PROM2: variants seen among roughly 807,000 people sequenced by gnomAD.
PROM2 encodes prominin-2.
Under a neutral mutation model 110.2 loss-of-function variants are expected in PROM2, and 90 were observed. The observed-to-expected ratio is 0.82, with a 90% CI of 0.69 to 0.97. The LOEUF (loss-of-function observed/expected upper bound fraction) is 0.97. PROM2 is among the 50% of genes least tolerant of loss of function. The pLI is 0.00. For missense variants in PROM2, 1,009 were observed against 1,074.8 expected, an observed-to-expected ratio of 0.94 and a Z score of 0.86; for synonymous variants, 470 against 467.8, an observed-to-expected ratio of 1.00 and a Z score of -0.06.
Position 95,274,696 on chromosome 2 carries a change from G to A in PROM2, c.111G>A (p.Glu37=). The A allele has an allele frequency of 6.2e-7, 1 of 1,612,808 alleles. No homozygotes were observed. Among genetic ancestry groups the A allele is most frequent in the Non-Finnish European group, 8.5e-7 (1 of 1,179,918 alleles). The change falls in exon 1 of 24, where the codon GAG becomes GAA. Residue 37 remains glutamate (E), a synonymous_variant. Coordinates refer to ENST00000317620, the MANE Select transcript of PROM2 (RefSeq NM_001165978.3). ...ACTGCAAGTTCCTTGGCCCGGCAGA[G>A]CACCTGACATTCACCCCAGCAGCCA... The part of the protein sequence containing the change: ...ATDCKFLGPA[E]HLTFTPAARA...
At chr2:95,284,134 C>T (rs1322537869) in intron 14 of PROM2, among the ~76,000 whole-genome samples, 2 of 152,134 alleles carry the variant, frequency 1.3e-5, no homozygotes, top group African/African-American at 4.8e-5. Flanking sequence ...CTGTCTGGGG[C>T]TTGGGGTGTC....
intron 14 of PROM2, among the ~76,000 whole-genome samples, chr2:95,283,771 TTTCA>T (rs3076102): frequency 0.032 from 4,795 of 149,778 alleles, 75 homozygotes; most frequent in African/African-American, 0.041. Flanking sequence ...GAAAATACAG[TTTCA>T]TTCATTCATT....
intron 18 of PROM2, 48 bp from the exon 19 acceptor site, chr2:95,287,085 T>A (rs1231346111): frequency 6.5e-7 from 1 of 1,528,922 alleles, no homozygotes; most frequent in Non-Finnish European, 9.1e-7. Context: ...AATTAATGAA[T>A]GGATGCGTGA....
chr2:95,286,718 C>T, intron 17 of PROM2, 86 bp from the exon 18 acceptor site: 1 of 789,128 alleles, frequency 1.3e-6, no homozygotes, highest in Non-Finnish European at 2.1e-6. Context: ...CCCCTCCCCT[C>T]CCCTCCACTC....
At position 95,276,385 on chromosome 2, in the gene PROM2, G is replaced by T; in HGVS notation, c.618+38G>T. 2.5e-6 allele frequency: 4 copies of T among 1,609,020 alleles called. No individual in the cohort carries two copies. The highest frequency in any genetic ancestry group is 3.4e-6 in the Non-Finnish European group (4 of 1,177,434). On this transcript the variant is annotated intron_variant, in intron 4 of 23. Coordinates refer to ENST00000317620, the MANE Select transcript of PROM2 (RefSeq NM_001165978.3). The surrounding 1 kb of genome is among the most constrained non-coding windows in gnomAD (Gnocchi z 4.6). ...ACCCCTCACCCTCATGTGCCCCTGT[G>T]AGCACTGGGCCCGGGCAGGACAGAG...
intron 12 of PROM2, among the ~76,000 whole-genome samples, chr2:95,281,640 T>C (rs949723849): frequency 3.9e-5 from 6 of 152,120 alleles, no homozygotes; most frequent in African/African-American, 1.4e-4. Flanking sequence ...CCTAACACTG[T>C]CTGGGAGCTG....
Position 95,274,505 on chromosome 2 carries a change from C to T in PROM2, c.-81C>T. 1 of 1,473,482 alleles carries T rather than the reference C, an allele frequency of 6.8e-7. No individual in the cohort carries two copies. Among genetic ancestry groups the T allele is most frequent in the Non-Finnish European group, 9.0e-7 (1 of 1,108,170 alleles). 91.3% of individuals were successfully genotyped at this position (1,473,482 alleles called of 1,614,324 possible). On this transcript the variant is annotated 5_prime_UTR_variant, in exon 1 of 24. Coordinates refer to ENST00000317620, the MANE Select transcript of PROM2 (RefSeq NM_001165978.3). ...GTTTTGAGAGCTGTGGAGAGAGGGACAGAGGCTGGAGAAGGATGTATGGCC... is the reference window on the plus strand; with the variant it reads ...GTTTTGAGAGCTGTGGAGAGAGGGATAGAGGCTGGAGAAGGATGTATGGCC...
intron 14 of PROM2, 35 bp downstream of exon 14, chr2:95,282,261 C>T (rs778093242): frequency 2.1e-5 from 32 of 1,527,568 alleles, no homozygotes; most frequent in Non-Finnish European, 2.7e-5. Context: ...GAGGAGCCCT[C>T]CTCAGATCCC....
intron 10 of PROM2, 70 bp from the exon 11 acceptor site, chr2:95,279,775 G>A (rs1676933059): frequency 9.1e-6 from 12 of 1,323,098 alleles, no homozygotes; most frequent in South Asian, 2.3e-5. Context: ...CGGTCGCCAC[G>A]TCCCGCACCT....
chr2:95,275,396 A>T lies in PROM2; in HGVS notation c.245-65A>T. On this transcript the variant is annotated intron_variant, in intron 1 of 23. Transcript: ENST00000317620. The surrounding 1 kb of genome is among the most constrained non-coding windows in gnomAD (Gnocchi z 4.4). Reference sequence around the variant, plus strand: ...GAGCCACTTTGCCCTGGCAGTGGGGAGAGGAGGGACACAGGGGCAGGGCAG... The same window carrying T: ...GAGCCACTTTGCCCTGGCAGTGGGGTGAGGAGGGACACAGGGGCAGGGCAG... 6.7e-7 allele frequency: 1 copy of T among 1,488,080 alleles called. No homozygotes were observed. The allele number at this position is 1,488,080 out of a possible 1,614,324, so 92.2% of individuals were successfully genotyped here. A position where few individuals can be genotyped will look rare whatever the true frequency, so the allele number is the denominator to read the frequency against.
intron 13 of PROM2, 31 bp from the exon 14 acceptor site, chr2:95,282,111 C>T (rs971173241): frequency 6.2e-7 from 1 of 1,610,470 alleles, no homozygotes; most frequent in African/African-American, 1.3e-5. Context: ...ACCCCCAAGG[C>T]TCATCGTCTG....
At chr2:95,279,282 G>T in intron 10 of PROM2, 138 bp downstream of exon 10, 3 of 671,792 alleles carry the variant, frequency 4.5e-6, no homozygotes, top group Non-Finnish European at 4.5e-6. Flanking sequence ...TTGTTTGTTT[G>T]TTTGTTTTTG....
chr2:95,274,710 C>A lies in PROM2; in HGVS notation c.125C>A (p.Thr42Asn). The change falls in exon 1 of 24, where the codon ACC (threonine) becomes AAC (asparagine). Residue 42 changes from threonine to asparagine, a missense_variant. Thr to Asn is a moderately conservative substitution (Grantham distance 65). Coordinates refer to ENST00000317620, the MANE Select transcript of PROM2 (RefSeq NM_001165978.3). ...GGCCCGGCAGAGCACCTGACATTCA[C>A]CCCAGCAGCCAGGGCCCGGTGGCTG... ...FLGPAEHLTF[T>N]PAARARWLAP... 1 of 1,612,738 alleles carries A rather than the reference C, an allele frequency of 6.2e-7. No homozygotes were observed. The highest frequency in any genetic ancestry group is 8.5e-7 in the Non-Finnish European group (1 of 1,179,940).
chr2:95,275,791 CTCTGGGACGGGTTCCATGAGA>C lies in PROM2; in HGVS notation c.295-137_295-117del. The C allele has an allele frequency of 1.3e-6, 2 of 1,494,330 alleles. No individual in the cohort carries two copies. Among genetic ancestry groups the C allele is most frequent in the Non-Finnish European group, 1.8e-6 (2 of 1,125,176 alleles). 92.6% of individuals were successfully genotyped at this position (1,494,330 alleles called of 1,614,324 possible). On this transcript the variant is annotated intron_variant, in intron 2 of 23. Transcript: ENST00000317620. The surrounding 1 kb of genome is among the most constrained non-coding windows in gnomAD (Gnocchi z 4.4). ...TGATGAGCAGTAAGAATGCGGTCAC[CTCTGGGACGGGTTCCATGAGA>C]TGCAGGCCATGCCCCTGACGGCACT...
rs1423408692 is a variant in PROM2 at position 95,285,753 on chromosome 2, G to C, written c.1947+43G>C. On this transcript the variant is annotated intron_variant, in intron 16 of 23. Transcript: ENST00000317620. Reference sequence around the variant, plus strand: ...CCCCGACTGGGCAGCAGGAGCCACAGGGGGCTTGGGAGGCGGGAAAGGGTG... The same window carrying C: ...CCCCGACTGGGCAGCAGGAGCCACACGGGGCTTGGGAGGCGGGAAAGGGTG... 7.7e-6 allele frequency: 12 copies of C among 1,550,624 alleles called. No individual in the cohort carries two copies. The South Asian group carries it at 1.3e-4, about 17-fold the overall frequency.
chr2:95,289,052 G>A, intron 23 of PROM2, 46 bp downstream of exon 23: 1 of 1,501,452 alleles, frequency 6.7e-7, no homozygotes, highest in Non-Finnish European at 9.3e-7. Context: ...CAGGGATTAA[G>A]GGAGTGGGGT....
Position 95,286,575 on chromosome 2 carries a change from AGT to A in PROM2, c.2040+5_2040+6del. The A allele has an allele frequency of 2.5e-6, 4 of 1,612,570 alleles. No homozygotes were observed. The highest frequency in any genetic ancestry group is 3.4e-6 in the Non-Finnish European group (4 of 1,179,398). On this transcript the variant is annotated splice_donor_5th_base_variant and intron_variant, in intron 17 of 23. Coordinates refer to ENST00000317620, the MANE Select transcript of PROM2 (RefSeq NM_001165978.3). ...CGTCCCCCAGCAGAGCCTTGTGGTC[AGT>A]TTGGAGGCCCGGGGAGCCTGGGGCC...
Position 95,286,481 on chromosome 2 carries a change from C to T in PROM2, c.1950C>T (p.Asp650=), listed in dbSNP as rs141261266. Residue 650 remains aspartate, a splice_region_variant and synonymous_variant, in exon 17 of 24, where the codon GAC becomes GAT. Coordinates refer to ENST00000317620, the MANE Select transcript of PROM2 (RefSeq NM_001165978.3). ...QELQGLAQAQ[D]NSVLGQRLQE... ...TTCTGATTTTTGTATCCTTTCAGGA[C>T]AATTCTGTGCTGGGGCAGCGGCTGC... The T allele has an allele frequency of 5.0e-5, 80 of 1,613,612 alleles. No homozygotes were observed. Among genetic ancestry groups the T allele is most frequent in the Non-Finnish European group, 6.6e-5 (78 of 1,179,878 alleles).
In PROM2 at chr2:95,276,457, C is replaced by T. The variant is rs1042678486; in HGVS notation, c.618+110C>T. 3.8e-6 allele frequency: 6 copies of T among 1,592,508 alleles called. No individual in the cohort carries two copies. The African/African-American group carries it at 5.4e-5, about 14-fold the overall frequency. On this transcript the variant is annotated intron_variant, in intron 4 of 23. Transcript: ENST00000317620. The surrounding 1 kb of genome is among the most constrained non-coding windows in gnomAD (Gnocchi z 4.6). ...CATAACCAGCGCATCTGAAAGCCGC[C>T]TCCTCTCCCGCCCTTGCCTGAGAGT...
Sources: gnomAD v4.1 joint callset for allele counts (sites outside exome capture counted in the v4.1 genomes callset) on GRCh38, gnomAD v4.1.1 for gene constraint, Gnocchi (gnomAD v3.1) non-coding constraint, MANE v1.5 for transcripts, NCBI Gene and HGNC (gene_info 2026-07-23, HGNC 2026-07-21) for gene names.